Variants in PTPRN2 observed in about 807,000 individuals in gnomAD.
PTPRN2 encodes the protein protein tyrosine phosphatase receptor type N2.
Under a neutral mutation model 118.8 loss-of-function variants are expected in PTPRN2, and 74 were observed. That is an observed-to-expected ratio of 0.62 (90% CI 0.52 to 0.76). The LOEUF (loss-of-function observed/expected upper bound fraction) is 0.76. Among genes scored for constraint, PTPRN2 ranks in the 30% least tolerant of loss-of-function variants. The pLI is 0.00. For missense variants in PTPRN2, 1,481 were observed against 1,394.4 expected (o/e 1.06, Z -0.99); for synonymous variants, 641 against 608.0 (o/e 1.05, Z -0.80).
At chr7:157,656,108 C>CTTTTTTTTTTTTT (rs1806066935) in intron 14 of PTPRN2, among the ~76,000 whole-genome samples, 1 of 43,156 alleles carries the variant, frequency 2.3e-5, no homozygotes, top group Non-Finnish European at 6.7e-5. Context: ...ACACCAGGGA[C>CTTTTTTTTTTTTT]TGTGTGTGGG....
intron 12 of PTPRN2, among the ~76,000 whole-genome samples, chr7:157,715,479 G>A (rs1391884295): frequency 2.6e-5 from 4 of 152,214 alleles, no homozygotes; most frequent in Non-Finnish European, 5.9e-5. Flanking sequence ...TCTGCTTGGC[G>A]CTGGCTACTC....
intron 9 of PTPRN2, 28 bp downstream of exon 9, chr7:158,133,649 C>T (rs767584168): frequency 6.5e-7 from 1 of 1,536,354 alleles, no homozygotes; most frequent in Non-Finnish European, 8.7e-7. Context: ...CCTCGGCACA[C>T]AGGAGCTTAG....
At position 157,595,247 on chromosome 7, in the gene PTPRN2, G is replaced by T. The variant is rs1043478443; in HGVS notation, c.2487C>A (p.Asp829Glu). 1 of 1,614,192 alleles carries T rather than the reference G, an allele frequency of 6.2e-7. No homozygotes were observed. The highest frequency in any genetic ancestry group is 8.5e-7 in the Non-Finnish European group (1 of 1,180,024). Reference protein sequence around the residue: ...TQGPLPATVADFWQMVWESGC... With the variant: ...TQGPLPATVAEFWQMVWESGC... ...ATTTAAAAATGTTCACCTGCCAAAA[G>T]TCAGCCACGGTGGCGGGCAGCGGTC... Residue 829 changes from aspartate (D) to glutamate (E), a missense_variant, in exon 17 of 23, where the codon GAC becomes GAA. This residue lies in a region of PTPRN2 where 362 missense variants were observed against 384.1 expected (regional missense o/e 0.94). Transcript: ENST00000389418.
chr7:157,770,066 C>T (rs959091347), intron 12 of PTPRN2, among the ~76,000 whole-genome samples: 7 of 152,204 alleles, frequency 4.6e-5, no homozygotes, highest in African/African-American at 1.7e-4. Context: ...CTCCGAGCCT[C>T]CCCAGCACTT....
chr7:158,273,682 CA>C (rs1798703314), intron 3 of PTPRN2, among the ~76,000 whole-genome samples: 2 of 128,386 alleles, frequency 1.6e-5, no homozygotes, highest in South Asian at 5.2e-4. Flanking sequence ...GAGCCGCAGA[CA>C]CAGGGAGCCG....
At chr7:158,533,681 C>T (rs946196964) in intron 1 of PTPRN2, among the ~76,000 whole-genome samples, 1 of 152,222 alleles carries the variant, frequency 6.6e-6, no homozygotes, top group Non-Finnish European at 1.5e-5. Flanking sequence ...GGCACCGAGC[C>T]GTCAATCTTC....
intron 2 of PTPRN2, among the ~76,000 whole-genome samples, chr7:158,337,039 ACT>A: frequency 1.4e-5 from 1 of 69,188 alleles, no homozygotes. Context: ...CACAGACATC[ACT>A]CACACCCACA....
chr7:158,487,280 G>A (rs911169225), intron 2 of PTPRN2, among the ~76,000 whole-genome samples: 8 of 152,148 alleles, frequency 5.3e-5, no homozygotes, highest in African/African-American at 1.9e-4. Context: ...GTGTTATGGG[G>A]TACGTACCCA....
intron 12 of PTPRN2, among the ~76,000 whole-genome samples, chr7:157,765,644 G>T (rs555601672): frequency 1.0e-5 from 1 of 100,294 alleles, no homozygotes; most frequent in Non-Finnish European, 2.1e-5. Context: ...TCCTCCATCC[G>T]TCCACCCTTC....
At chr7:157,664,182 G>A (rs1014853398) in intron 13 of PTPRN2, among the ~76,000 whole-genome samples, 1 of 152,246 alleles carries the variant, frequency 6.6e-6, no homozygotes, top group African/African-American at 2.4e-5. Flanking sequence ...AAAGGCAGTC[G>A]CATCCACGGT....
In PTPRN2 at chr7:157,787,067, G is replaced by A. The variant is rs1413079628; in HGVS notation, c.1789-104130C>T. ...GGGTGGCTGCCCGGGAGGCGGACGC[G>A]GGTGCGGCGGGGGACGCGGGGGTGG... On this transcript the variant is annotated intron_variant, in intron 12 of 22. Coordinates refer to ENST00000389418, the MANE Select transcript of PTPRN2 (RefSeq NM_002847.5). The surrounding 1 kb of genome is among the most constrained non-coding windows in gnomAD (Gnocchi z 5.3). Among the ~76,000 whole-genome samples, 25 of 133,592 alleles carry A rather than the reference G, an allele frequency of 1.9e-4. No individual in the cohort carries two copies. In the East Asian group the frequency reaches 3.4e-3, roughly 18 times the overall value. 87.6% of individuals were successfully genotyped at this position (133,592 alleles called of 152,430 possible).
At chr7:158,386,660 T>G (rs1419505197) in intron 2 of PTPRN2, among the ~76,000 whole-genome samples, 1 of 152,052 alleles carries the variant, frequency 6.6e-6, no homozygotes, top group African/African-American at 2.4e-5. Flanking sequence ...TGGAAAAAAA[T>G]GGATCCTTCA....
intron 2 of PTPRN2, among the ~76,000 whole-genome samples, chr7:158,431,164 G>A (rs188480897): frequency 8.5e-5 from 13 of 152,346 alleles, no homozygotes; most frequent in South Asian, 2.1e-4. Context: ...CCCAGCCAGC[G>A]TGAGCCCCAG....
chr7:158,021,230 T>C (rs773552076), intron 11 of PTPRN2, among the ~76,000 whole-genome samples: 2 of 152,186 alleles, frequency 1.3e-5, no homozygotes, highest in Admixed American at 1.3e-4. Flanking sequence ...TATATTTGCT[T>C]TGTTAGAACA....
At chr7:158,497,708 C>T (rs574723365) in intron 1 of PTPRN2, among the ~76,000 whole-genome samples, 77 of 152,358 alleles carry the variant, frequency 5.1e-4, no homozygotes, top group African/African-American at 1.8e-3. Flanking sequence ...TTCTCTGCGC[C>T]GCTGCACACT....
intron 3 of PTPRN2, among the ~76,000 whole-genome samples, chr7:158,305,209 C>A (rs1801192814): frequency 6.6e-6 from 1 of 152,184 alleles, no homozygotes; most frequent in Non-Finnish European, 1.5e-5. Flanking sequence ...AGGAAGGGTC[C>A]ATTCAGCTGG....
At chr7:157,717,672 C>T (rs1563033046) in intron 12 of PTPRN2, among the ~76,000 whole-genome samples, 1 of 152,286 alleles carries the variant, frequency 6.6e-6, no homozygotes, top group Non-Finnish European at 1.5e-5. Flanking sequence ...CCAGCCTCTT[C>T]ACCAGGTATG....
rs1281268157 is a variant in PTPRN2, at chr7:157,831,300, G to A, written c.1788+67373C>T. On this transcript the variant is annotated intron_variant, in intron 12 of 22. Transcript: ENST00000389418. This position sits in a 1 kb window ranked among gnomAD's most constrained non-coding sequence, Gnocchi z 4.8. ...GACCTGTAGCCTCATCCAGCACTGC[G>A]GCCACTCCTCCTCCAGGTGTCCCGC... 3.9e-5 allele frequency among the ~76,000 whole-genome samples: 6 copies of A among 152,138 alleles called. No homozygotes were observed. Among genetic ancestry groups the A allele is most frequent in the Admixed American group, 3.9e-4 (6 of 15,280 alleles).
At chr7:157,901,031 A>T (rs922439701) in intron 11 of PTPRN2, among the ~76,000 whole-genome samples, 4 of 152,192 alleles carry the variant, frequency 2.6e-5, no homozygotes, top group Non-Finnish European at 5.9e-5. Context: ...GCATCTGAGG[A>T]TGCCCCAGGC....
Sources: allele counts gnomAD v4.1 joint callset (sites outside exome capture counted in the v4.1 genomes callset), GRCh38; gene constraint gnomAD v4.1.1; regional missense constraint gnomAD v4.1.1; non-coding constraint Gnocchi (gnomAD v3.1); transcripts MANE v1.5; gene names NCBI Gene and HGNC (gene_info 2026-07-23, HGNC 2026-07-21).